PCDH15: variants seen among roughly 807,000 people sequenced by gnomAD.
The protein encoded by PCDH15 is protocadherin related 15.
Under a neutral mutation model 178.5 loss-of-function variants are expected in PCDH15, and 129 were observed. That is an observed-to-expected ratio of 0.72 (90% CI 0.63 to 0.84). PCDH15 has a LOEUF of 0.84. Among genes scored for constraint, PCDH15 ranks in the 40% least tolerant of loss-of-function variants. PCDH15 has a pLI of 0.00. For synonymous variants in PCDH15, 800 were observed against 732.0 expected, an observed-to-expected ratio of 1.09 and a Z score of -1.50; for missense variants, 2,230 against 2,099.9, an observed-to-expected ratio of 1.06 and a Z score of -1.21.
chr10:55,157,561 T>C (rs1274915307), intron 2 of PCDH15, among the ~76,000 whole-genome samples: 1 of 150,302 alleles, frequency 6.7e-6, no homozygotes, highest in African/African-American at 2.5e-5. Context: ...AACCCAAATG[T>C]CCAACAATGA....
intron 15 of PCDH15, among the ~76,000 whole-genome samples, chr10:54,099,515 T>A (rs28621907): frequency 0.092 from 5,775 of 62,720 alleles, 224 homozygotes; most frequent in African/African-American, 0.23. Flanking sequence ...AAAAAAAAAA[T>A]ATATATATAT....
intron 2 of PCDH15, among the ~76,000 whole-genome samples, chr10:55,009,871 G>A (rs1430759144): frequency 6.6e-6 from 1 of 152,124 alleles, no homozygotes; most frequent in Non-Finnish European, 1.5e-5. Flanking sequence ...TCTCAGAACT[G>A]CATACCTCTA....
intron 2 of PCDH15, among the ~76,000 whole-genome samples, chr10:54,560,269 G>A (rs982037274): frequency 2.6e-5 from 4 of 151,968 alleles, no homozygotes; most frequent in African/African-American, 4.8e-5. Context: ...ATGTTCTCTC[G>A]AAATTCTTAA....
intron 16 of PCDH15, among the ~76,000 whole-genome samples, chr10:54,082,246 A>G (rs1408968574): frequency 1.3e-5 from 2 of 152,196 alleles, no homozygotes; most frequent in Non-Finnish European, 2.9e-5. Flanking sequence ...CACTCAAAGC[A>G]GAAAAGCAGT....
At chr10:55,056,175 T>A (rs1841296077) in intron 2 of PCDH15, among the ~76,000 whole-genome samples, 1 of 152,150 alleles carries the variant, frequency 6.6e-6, no homozygotes, top group Non-Finnish European at 1.5e-5. Context: ...TTAAAGACCC[T>A]CTATTAACTT....
At chr10:54,255,038 T>G (rs1375957187) in intron 8 of PCDH15, among the ~76,000 whole-genome samples, 1 of 152,258 alleles carries the variant, frequency 6.6e-6, no homozygotes, top group Non-Finnish European at 1.5e-5. Context: ...CAGAAGCATC[T>G]GTTAAAGTAA....
rs79920561 is a variant in PCDH15 at position 55,115,529 on chromosome 10, A to G, written c.-80+51047T>C. Among the ~76,000 whole-genome samples, 43 of 152,306 alleles carry G rather than the reference A, an allele frequency of 2.8e-4. 1 individual carries two copies. Among genetic ancestry groups the G allele is most frequent in the African/African-American group, 9.6e-4 (40 of 41,584 alleles). On this transcript the variant is annotated intron_variant, in intron 2 of 5. Coordinates refer to the PCDH15 transcript ENST00000458638. ...CATTCCTTGTCATTTTGATCTTGGC[A>G]CTGTCCCTGAGGCTACTTAATTGGT...
intron 2 of PCDH15, among the ~76,000 whole-genome samples, chr10:55,348,292 A>G (rs1264400397): frequency 2.6e-5 from 4 of 152,192 alleles, no homozygotes; most frequent in Non-Finnish European, 4.4e-5. Flanking sequence ...GAATACACAT[A>G]TAGAATATTT....
chr10:55,414,468 C>T (rs1332929735), intron 2 of PCDH15, among the ~76,000 whole-genome samples: 2 of 151,556 alleles, frequency 1.3e-5, no homozygotes, highest in Non-Finnish European at 3.0e-5. Context: ...TTGGATATCA[C>T]ATTGGGTAAG....
chr10:54,434,246 G>GAA (rs34973478), intron 3 of PCDH15, among the ~76,000 whole-genome samples: 1 of 151,868 alleles, frequency 6.6e-6, no homozygotes, highest in African/African-American at 2.4e-5. Context: ...AATTACTGAA[G>GAA]AAAAAATTAA....
In PCDH15 at chr10:54,387,676, C is replaced by T. The variant is rs377759249; in HGVS notation, c.158-8734G>A. ...CAGGATCCCTCATTCATTATGCTTG[C>T]TTCCTTGCCCCTCTGTAATTCCTGT... is the stretch of plus-strand genomic sequence containing the variant. On this transcript the variant is annotated intron_variant, in intron 3 of 37. Coordinates refer to ENST00000644397, the MANE Select transcript of PCDH15 (RefSeq NM_001384140.1). Among the ~76,000 whole-genome samples, 4 of 152,288 alleles carry T rather than the reference C, an allele frequency of 2.6e-5. No individual in the cohort carries two copies. In the East Asian group the frequency reaches 7.7e-4, roughly 29 times the overall value.
intron 2 of PCDH15, among the ~76,000 whole-genome samples, chr10:55,546,560 G>T (rs1022086679): frequency 6.6e-6 from 1 of 152,084 alleles, no homozygotes; most frequent in Non-Finnish European, 1.5e-5. Flanking sequence ...ATGTTATAAA[G>T]CTAGAGGTTT....
chr10:54,111,694 G>A (rs1029012215), intron 15 of PCDH15, among the ~76,000 whole-genome samples: 6 of 151,942 alleles, frequency 3.9e-5, no homozygotes, highest in African/African-American at 1.4e-4. Flanking sequence ...GGCTTTAAAA[G>A]AGACATGATA....
At chr10:55,105,434 C>T (rs1414567748) in intron 2 of PCDH15, among the ~76,000 whole-genome samples, 4 of 152,028 alleles carry the variant, frequency 2.6e-5, no homozygotes, top group Admixed American at 2.0e-4. Context: ...AATCACAAAC[C>T]ATGCATTTAT....
At chr10:54,661,085 T>C (rs892420199) in intron 2 of PCDH15, among the ~76,000 whole-genome samples, 2 of 152,128 alleles carry the variant, frequency 1.3e-5, no homozygotes, top group South Asian at 2.1e-4. Context: ...GTCTTCCATA[T>C]TGAAAAAGAG....
intron 1 of PCDH15, among the ~76,000 whole-genome samples, chr10:55,238,391 C>A (rs1348637173): frequency 2.6e-5 from 4 of 152,000 alleles, no homozygotes; most frequent in African/African-American, 4.8e-5. Context: ...ACCTCGTGAT[C>A]CGCCCACCTC....
chr10:53,929,756 T>C (rs954536958), intron 25 of PCDH15, among the ~76,000 whole-genome samples: 4 of 152,212 alleles, frequency 2.6e-5, no homozygotes, highest in Admixed American at 1.3e-4. Context: ...TTAAAGTTTA[T>C]CTTAATTGTC....
At chr10:54,736,441 G>A (rs1270258663) in intron 1 of PCDH15, among the ~76,000 whole-genome samples, 1 of 151,882 alleles carries the variant, frequency 6.6e-6, no homozygotes, top group Non-Finnish European at 1.5e-5. Context: ...TTATAAATGT[G>A]CCCCATGCTG....
intron 2 of PCDH15, among the ~76,000 whole-genome samples, chr10:55,467,076 AG>A (rs1839846024): frequency 6.6e-6 from 1 of 152,194 alleles, no homozygotes; most frequent in South Asian, 2.1e-4. Flanking sequence ...TGTCATTCCC[AG>A]GGATTGAGTA....
Sources: allele counts gnomAD v4.1 joint callset (sites outside exome capture counted in the v4.1 genomes callset), GRCh38; gene constraint gnomAD v4.1.1; transcripts MANE v1.5; gene names NCBI Gene and HGNC (gene_info 2026-07-23, HGNC 2026-07-21).